The following PEBP4 variants were observed in gnomAD, a reference collection of about 807,000 sequenced individuals.
PEBP4 encodes phosphatidylethanolamine binding protein 4, also known as phosphatidylethanolamine-binding protein 4.
In PEBP4, 22 loss-of-function variants were observed where a neutral mutation model predicts 23.9. That is an observed-to-expected ratio of 0.92 (90% CI 0.66 to 1.31). The LOEUF is 1.31. PEBP4 is among the 40% of genes most tolerant of loss of function. PEBP4 has a pLI of 0.00. For missense variants in PEBP4, 324 were observed against 281.7 expected, an observed-to-expected ratio of 1.15 and a Z score of -1.07; for synonymous variants, 112 against 99.3, an observed-to-expected ratio of 1.13 and a Z score of -0.76.
At chr8:22,842,676 G>A (rs1563234059) in intron 3 of PEBP4, among the ~76,000 whole-genome samples, 1 of 152,088 alleles carries the variant, frequency 6.6e-6, no homozygotes, top group Non-Finnish European at 1.5e-5. Context: ...GTGCAGGGCC[G>A]TTCCTACTGC....
rs781711669 is a variant in PEBP4 at position 22,713,506 on chromosome 8, C to T, written c.548G>A (p.Arg183His). 15 of 1,613,986 alleles carry T rather than the reference C, an allele frequency of 9.3e-6. No individual in the cohort carries two copies. The highest frequency in any genetic ancestry group is 4.5e-5 in the East Asian group (2 of 44,892). The change falls in exon 7 of 7, where the codon CGT becomes CAT. Residue 183 changes from arginine to histidine, a missense_variant. Coordinates refer to ENST00000256404, the MANE Select transcript of PEBP4 (RefSeq NM_144962.3). ...TGCTTCAGGTTCGCCCAGGTGGAAA[C>T]GGTTCAGAAATCTGTCCATTTTCCA... ...GSWKMDRFLN[R>H]FHLGEPEAST...
intron 4 of PEBP4, among the ~76,000 whole-genome samples, chr8:22,733,091 C>T (rs1340400031): frequency 6.6e-6 from 1 of 152,222 alleles, no homozygotes; most frequent in Admixed American, 6.5e-5. Flanking sequence ...GCTTTATTCT[C>T]CAGGCAACCA....
At position 22,927,572 on chromosome 8, in the gene PEBP4, G is replaced by C; in HGVS notation, c.131+12C>G. The C allele has an allele frequency of 1.2e-6, 2 of 1,608,036 alleles. No homozygotes were observed. On this transcript the variant is annotated intron_variant, in intron 2 of 6. Transcript: ENST00000256404. ...CTCTGTGCCTCCCGCCTCCAAGCCT[G>C]CCCTGACTTACTGGCAAAAGAGGGT...
At chr8:22,814,938 G>A (rs1433857218) in intron 4 of PEBP4, 1 of 152,074 alleles carries the variant, frequency 6.6e-6, no homozygotes, top group East Asian at 1.9e-4. Context: ...TTATAGAGAG[G>A]GGATAGTGGC....
chr8:22,810,670 GTGT>G (rs1806600935), intron 4 of PEBP4, among the ~76,000 whole-genome samples: 3 of 13,288 alleles, frequency 2.3e-4, no homozygotes, highest in Admixed American at 8.4e-4. Flanking sequence ...TCATGGAGGG[GTGT>G]GTGTGTGTGT....
rs57420559 is a variant in PEBP4, at chr8:22,904,608, C to T, written c.258+15576G>A. Among the ~76,000 whole-genome samples, 569 of 152,256 alleles carry T rather than the reference C, an allele frequency of 3.7e-3. 6 individuals are homozygous for T. The highest frequency in any genetic ancestry group is 0.013 in the African/African-American group (538 of 41,542). On this transcript the variant is annotated intron_variant, in intron 3 of 6. Transcript: ENST00000256404. ...AGTGTAAAGGAGAAAATAAAAATCACCCTTAGTCTCAACACTCAAGGAGAT... is the reference window on the plus strand; with the variant it reads ...AGTGTAAAGGAGAAAATAAAAATCATCCTTAGTCTCAACACTCAAGGAGAT...
chr8:22,881,901 C>G (rs1040100128), intron 3 of PEBP4, among the ~76,000 whole-genome samples: 1 of 152,224 alleles, frequency 6.6e-6, no homozygotes, highest in African/African-American at 2.4e-5. Flanking sequence ...CTGAGAGTGG[C>G]TACTCTGTCC....
intron 4 of PEBP4, among the ~76,000 whole-genome samples, chr8:22,772,641 C>T (rs77821398): frequency 9.3e-4 from 141 of 152,122 alleles, no homozygotes; most frequent in African/African-American, 3.3e-3. Flanking sequence ...TTCTTATGTA[C>T]ATTTTCCAAA....
intron 4 of PEBP4, among the ~76,000 whole-genome samples, chr8:22,793,629 G>A (rs1413147614): frequency 6.6e-6 from 1 of 152,080 alleles, no homozygotes; most frequent in Non-Finnish European, 1.5e-5. Flanking sequence ...ACTGTGTCTT[G>A]TTGGACAAAT....
intron 3 of PEBP4, chr8:22,884,074 G>C (rs144326175): frequency 6.6e-6 from 1 of 152,340 alleles, no homozygotes; most frequent in African/African-American, 2.4e-5. Flanking sequence ...CTTAAGGGCT[G>C]AAGAGTTGGC....
chr8:22,777,594 C>G (rs1161993457), intron 4 of PEBP4, among the ~76,000 whole-genome samples: 4 of 152,202 alleles, frequency 2.6e-5, no homozygotes, highest in Admixed American at 1.3e-4. Context: ...CCAGCCTGCT[C>G]TAGCTCCATC....
intron 4 of PEBP4, among the ~76,000 whole-genome samples, chr8:22,759,366 TC>T (rs930638763): frequency 1.3e-5 from 2 of 151,706 alleles, no homozygotes; most frequent in Non-Finnish European, 2.9e-5. Context: ...TTTTTTTTTT[TC>T]CTCAACAAAG....
chr8:22,937,013 A>T (rs963059632), intron 1 of PEBP4, among the ~76,000 whole-genome samples: 1 of 152,196 alleles, frequency 6.6e-6, no homozygotes, highest in African/African-American at 2.4e-5. Context: ...GACAGACTTC[A>T]AGTTTTCCTC....
At chr8:22,809,006 C>T (rs968148222) in intron 4 of PEBP4, among the ~76,000 whole-genome samples, 20 of 152,190 alleles carry the variant, frequency 1.3e-4, no homozygotes, top group African/African-American at 3.9e-4. Context: ...GCAGCTCATT[C>T]TCCTGGCCAG....
intron 3 of PEBP4, among the ~76,000 whole-genome samples, chr8:22,853,535 G>GTA (rs1807587127): frequency 6.6e-6 from 1 of 152,204 alleles, no homozygotes; most frequent in African/African-American, 2.4e-5. Context: ...CTTCTTTTCA[G>GTA]AGAGAGGGTC....
chr8:22,844,217 G>A (rs186949891), intron 3 of PEBP4, among the ~76,000 whole-genome samples: 8 of 152,288 alleles, frequency 5.3e-5, no homozygotes, highest in Non-Finnish European at 7.3e-5. Flanking sequence ...TGGATTGCAA[G>A]GCTGTACCCG....
intron 3 of PEBP4, among the ~76,000 whole-genome samples, chr8:22,866,315 G>A (rs1807902081): frequency 6.6e-6 from 1 of 152,056 alleles, no homozygotes; most frequent in African/African-American, 2.4e-5. Context: ...CCTTCTCCGG[G>A]GTCTTTTCAA....
At chr8:22,912,291 T>C (rs990209386) in intron 3 of PEBP4, among the ~76,000 whole-genome samples, 7 of 152,226 alleles carry the variant, frequency 4.6e-5, no homozygotes, top group African/African-American at 1.7e-4. Context: ...TATTGCAAGA[T>C]GCCCATCACA....
chr8:22,751,255 C>T (rs2128751740), intron 4 of PEBP4, among the ~76,000 whole-genome samples: 1 of 152,208 alleles, frequency 6.6e-6, no homozygotes, highest in Admixed American at 6.5e-5. Context: ...AGGAAGAGGC[C>T]CTCAAGTCAG....
Sources: gnomAD v4.1 joint callset for allele counts (sites outside exome capture counted in the v4.1 genomes callset) on GRCh38, gnomAD v4.1.1 for gene constraint, MANE v1.5 for transcripts, NCBI Gene and HGNC (gene_info 2026-07-23, HGNC 2026-07-21) for gene names.